TPRG1: variants seen among roughly 807,000 people sequenced by gnomAD.
The protein encoded by TPRG1 is tumor protein p63-regulated gene 1 protein.
A neutral mutation model predicts 29.3 loss-of-function variants in TPRG1; 29 were observed. The observed-to-expected ratio is 0.99, with a 90% CI of 0.74 to 1.35. The LOEUF is 1.35. Among genes scored for constraint, TPRG1 ranks in the 40% most tolerant of loss-of-function variants. The probability of loss-of-function intolerance (pLI) is 0.00; values close to 1 mark genes in which losing one functional copy is unlikely to be tolerated. For missense variants in TPRG1, 327 were observed against 335.0 expected (o/e 0.98, Z 0.19); for synonymous variants, 130 against 116.8 (o/e 1.11, Z -0.73).
At chr3:189,264,412 G>T (rs543267666) in intron 4 of TPRG1, among the ~76,000 whole-genome samples, 1 of 152,074 alleles carries the variant, frequency 6.6e-6, no homozygotes, top group Non-Finnish European at 1.5e-5. Flanking sequence ...GACCAAAGTT[G>T]GTGTTTGATC....
intron 4 of TPRG1, among the ~76,000 whole-genome samples, chr3:189,085,993 C>A (rs890765062): frequency 6.6e-6 from 1 of 152,142 alleles, no homozygotes; most frequent in Non-Finnish European, 1.5e-5. Context: ...CTCACACCAT[C>A]GCAAGATGAA....
chr3:189,175,108 T>C (rs16864057), intron 1 of TPRG1, among the ~76,000 whole-genome samples: 1,709 of 152,216 alleles, frequency 0.011, 39 homozygotes, highest in African/African-American at 0.039. Flanking sequence ...CCATCTAGTA[T>C]TGAAAATGTG....
chr3:189,139,768 G>T (rs1724290634), intron 3 of TPRG1, among the ~76,000 whole-genome samples: 1 of 151,242 alleles, frequency 6.6e-6, no homozygotes, highest in South Asian at 2.1e-4. Flanking sequence ...CTGAGCTGTT[G>T]AGACTAAATG....
intron 5 of TPRG1, among the ~76,000 whole-genome samples, chr3:189,162,426 T>C (rs1020100773): frequency 1.3e-5 from 2 of 152,200 alleles, no homozygotes; most frequent in Admixed American, 1.3e-4. Context: ...GAAGCACTGT[T>C]GTTACGAGTC....
chr3:189,011,970 G>T (rs548677971), intron 3 of TPRG1, among the ~76,000 whole-genome samples: 9 of 152,260 alleles, frequency 5.9e-5, no homozygotes, highest in African/African-American at 2.2e-4. Context: ...AGTGATTTTT[G>T]CACAGTGATT....
chr3:189,241,608 T>C (rs1288600699), intron 4 of TPRG1, among the ~76,000 whole-genome samples: 2 of 152,164 alleles, frequency 1.3e-5, no homozygotes, highest in Non-Finnish European at 2.9e-5. Flanking sequence ...GGTATTGATA[T>C]GGTTTGGTTG....
At chr3:189,106,036 A>G (rs1244990399) in intron 1 of TPRG1, among the ~76,000 whole-genome samples, 2 of 152,126 alleles carry the variant, frequency 1.3e-5, no homozygotes, top group African/African-American at 4.8e-5. Context: ...CTGCACATGT[A>G]CCTAGGAACT....
At chr3:189,047,424 G>A (rs1020866067) in intron 4 of TPRG1, among the ~76,000 whole-genome samples, 1 of 152,192 alleles carries the variant, frequency 6.6e-6, no homozygotes, top group African/African-American at 2.4e-5. Flanking sequence ...CCTTAAGTGA[G>A]CTGTAATCTT....
intron 4 of TPRG1, among the ~76,000 whole-genome samples, chr3:189,256,123 C>T (rs1711826905): frequency 6.6e-6 from 1 of 152,182 alleles, no homozygotes; most frequent in Non-Finnish European, 1.5e-5. Flanking sequence ...GATTTTAGAT[C>T]TTTCCCACTT....
chr3:189,041,024 T>C (rs966762929), intron 4 of TPRG1, among the ~76,000 whole-genome samples: 2 of 152,204 alleles, frequency 1.3e-5, no homozygotes, highest in African/African-American at 4.8e-5. Flanking sequence ...TGAGAGCACC[T>C]GCATCTTGAA....
chr3:189,270,081 G>C (rs532724208), intron 4 of TPRG1, among the ~76,000 whole-genome samples: 1 of 150,698 alleles, frequency 6.6e-6, no homozygotes, highest in African/African-American at 2.4e-5. Context: ...AGAGTAACGA[G>C]AGCACAAACT....
chr3:189,295,523 A>AT (rs1719758043), intron 4 of TPRG1, among the ~76,000 whole-genome samples: 1 of 129,356 alleles, frequency 7.7e-6, no homozygotes, highest in South Asian at 2.4e-4. Flanking sequence ...AAAAAAAAAA[A>AT]GGCCTTGGTC....
intron 4 of TPRG1, among the ~76,000 whole-genome samples, chr3:189,240,972 C>T (rs1740480020): frequency 6.6e-6 from 1 of 152,100 alleles, no homozygotes; most frequent in South Asian, 2.1e-4. Context: ...CAGAATATTA[C>T]CTCTTAAGCT....
chr3:189,136,069 G>A (rs993659218), intron 3 of TPRG1, among the ~76,000 whole-genome samples: 1 of 152,064 alleles, frequency 6.6e-6, no homozygotes, highest in African/African-American at 2.4e-5. Flanking sequence ...AGCTCTATAT[G>A]TTACTCACCT....
At chr3:189,154,175 TTGGAAAAGGAGTTTGATGC>T (rs1431655844) in intron 5 of TPRG1, among the ~76,000 whole-genome samples, 3 of 152,232 alleles carry the variant, frequency 2.0e-5, no homozygotes, top group South Asian at 4.1e-4. Flanking sequence ...TCTTCAGCAA[TTGGAAAAGGAGTTTGATGC>T]TGAAGAGCAA....
intron 5 of TPRG1, among the ~76,000 whole-genome samples, chr3:189,314,674 T>G (rs1471449472): frequency 7.0e-6 from 1 of 143,614 alleles, no homozygotes; most frequent in Non-Finnish European, 1.6e-5. Flanking sequence ...TTTTTGGCAC[T>G]GCTTTTAATA....
chr3:189,225,647 C>CGCTT (rs1296426719), intron 3 of TPRG1, among the ~76,000 whole-genome samples: 1 of 151,466 alleles, frequency 6.6e-6, no homozygotes, highest in Non-Finnish European at 1.5e-5. Context: ...GCAAACATGC[C>CGCTT]GCTTGATTTA....
At chr3:189,258,456 T>A (rs959224129) in intron 4 of TPRG1, among the ~76,000 whole-genome samples, 2 of 152,088 alleles carry the variant, frequency 1.3e-5, no homozygotes, top group African/African-American at 2.4e-5. Flanking sequence ...GCTGGACGTG[T>A]CTCCCCATCA....
At chr3:189,228,087 C>T (rs1368619576) in intron 3 of TPRG1, among the ~76,000 whole-genome samples, 1 of 152,178 alleles carries the variant, frequency 6.6e-6, no homozygotes, top group African/African-American at 2.4e-5. Flanking sequence ...CCCCACTGCA[C>T]TCCAGCCTGG....
Sources: allele counts gnomAD v4.1 joint callset (sites outside exome capture counted in the v4.1 genomes callset), GRCh38; gene constraint gnomAD v4.1.1; transcripts MANE v1.5; gene names NCBI Gene and HGNC (gene_info 2026-07-23, HGNC 2026-07-21).